TMPRSS15: variants seen among roughly 807,000 people sequenced by gnomAD.
The protein encoded by TMPRSS15 is enteropeptidase.
Under a neutral mutation model 125.3 loss-of-function variants are expected in TMPRSS15, and 128 were observed. That is an observed-to-expected ratio of 1.02 (90% CI 0.89 to 1.18). The LOEUF is 1.18. Among genes scored for constraint, TMPRSS15 ranks in the 50% most tolerant of loss-of-function variants. The pLI, the probability that TMPRSS15 is intolerant of heterozygous loss-of-function variation, is 0.00. For synonymous variants in TMPRSS15, 446 were observed against 423.2 expected (o/e 1.05, Z -0.66); for missense variants, 1,283 against 1,212.7 (o/e 1.06, Z -0.86).
At position 18,294,611 on chromosome 21, in the gene TMPRSS15, T is replaced by A. The variant is rs774208898; in HGVS notation, c.2303A>T (p.Asn768Ile). The A allele has an allele frequency of 6.2e-7, 1 of 1,611,512 alleles. No homozygotes were observed. Among genetic ancestry groups the A allele is most frequent in the Admixed American group, 1.7e-5 (1 of 60,020 alleles). ...LQDSLIRLQC[N>I]HKSCGKKLAA... The stretch of plus-strand genomic sequence containing the variant: ...ACAACATATTTACTTACATTTATGG[T>A]TACACTGTAACCGAATCAAGGAATC... Residue 768 changes from asparagine to isoleucine, a missense_variant, in exon 20 of 25, where the codon AAC becomes ATC. By Grantham distance (149) the Asn-to-Ile change is moderately radical (BLOSUM62 -3). Transcript: ENST00000284885.
intron 1 of TMPRSS15, among the ~76,000 whole-genome samples, chr21:18,413,393 CTTCT>C (rs1187217736): frequency 1.6e-5 from 2 of 122,186 alleles, no homozygotes; most frequent in Non-Finnish European, 3.3e-5. Context: ...TTCTATCTTT[CTTCT>C]TTCTTTCTTT....
At chr21:18,301,860 C>T (rs1242866869) in intron 18 of TMPRSS15, among the ~76,000 whole-genome samples, 2 of 152,030 alleles carry the variant, frequency 1.3e-5, no homozygotes, top group Non-Finnish European at 2.9e-5. Context: ...AAACTTTATT[C>T]CATGTGAGAA....
At chr21:18,433,663 CAAAAA>C (rs58432155) in intron 1 of TMPRSS15, among the ~76,000 whole-genome samples, 8 of 62,446 alleles carry the variant, frequency 1.3e-4, no homozygotes, top group East Asian at 5.1e-4. Flanking sequence ...GACCTTGTCT[CAAAAA>C]AAAAAAAAAA....
intron 3 of TMPRSS15, among the ~76,000 whole-genome samples, chr21:18,396,531 T>G (rs2076038339): frequency 6.6e-6 from 1 of 152,044 alleles, no homozygotes; most frequent in African/African-American, 2.4e-5. Context: ...TCCCAGCACT[T>G]TGGGAGGCCG....
rs748130369 is a variant in TMPRSS15 at position 18,329,135 on chromosome 21, T to G, written c.1780+34A>C. ...TCCATCAGCACAACATCTTGAGCTT[T>G]ACAACCTTTACAATATTCAGATTGC... On this transcript the variant is annotated intron_variant, in intron 15 of 24. Coordinates refer to ENST00000284885, the MANE Select transcript of TMPRSS15 (RefSeq NM_002772.3). 21 of 1,610,082 alleles carry G rather than the reference T, an allele frequency of 1.3e-5. No individual in the cohort carries two copies. The East Asian group carries it at 4.7e-4, about 36-fold the overall frequency.
chr21:18,315,702 C>G (rs2075157990), intron 16 of TMPRSS15, among the ~76,000 whole-genome samples: 1 of 97,020 alleles, frequency 1.0e-5, no homozygotes, highest in Admixed American at 1.2e-4. Context: ...AACATGAGTC[C>G]TTTGCCACAG....
In TMPRSS15 at chr21:18,338,482, C is replaced by T. The variant is rs1365269845; in HGVS notation, c.1564+2931G>A. 2.0e-5 allele frequency among the ~76,000 whole-genome samples: 3 copies of T among 152,050 alleles called. No individual in the cohort carries two copies. In the East Asian group the frequency reaches 5.8e-4, roughly 29 times the overall value. ...GCTGAATGTTGTTCTTGCAAAAAAACTCTTCCATATAATAAATAGGTAGGG... is the reference window on the plus strand; with the variant it reads ...GCTGAATGTTGTTCTTGCAAAAAAATTCTTCCATATAATAAATAGGTAGGG... On this transcript the variant is annotated intron_variant, in intron 13 of 24. Transcript: ENST00000284885.
chr21:18,432,366 A>G (rs1386130799), intron 1 of TMPRSS15, among the ~76,000 whole-genome samples: 1 of 152,110 alleles, frequency 6.6e-6, no homozygotes, highest in Admixed American at 6.6e-5. Flanking sequence ...CTTTTGTGTC[A>G]TGTTAAGGGT....
chr21:18,281,269 T>C (rs765558653), intron 21 of TMPRSS15, 48 bp from the exon 22 acceptor site: 1 of 1,511,822 alleles, frequency 6.6e-7, no homozygotes, highest in East Asian at 2.3e-5. Context: ...TCCAAAGCAG[T>C]TCCTTTCTAG....
intron 1 of TMPRSS15, among the ~76,000 whole-genome samples, chr21:18,445,482 A>G (rs13052768): frequency 0.38 from 57,863 of 151,926 alleles, 11,714 homozygotes; most frequent in Middle Eastern, 0.51. Context: ...TGCCCAGCCT[A>G]TACTACATTT....
chr21:18,371,990 A>G (rs2075795695), intron 6 of TMPRSS15, among the ~76,000 whole-genome samples: 1 of 151,924 alleles, frequency 6.6e-6, no homozygotes, highest in African/African-American at 2.4e-5. Flanking sequence ...TATTATTTAT[A>G]AAGTTTAGGA....
chr21:18,407,448 C>CTTT (rs201740388), upstream of TMPRSS15, among the ~76,000 whole-genome samples: 1,135 of 133,096 alleles, frequency 8.5e-3, 22 homozygotes, highest in African/African-American at 0.014. Context: ...TTTTTCTTTT[C>CTTT]TTTTTTTTTT....
At chr21:18,461,716 T>G (rs1978554457) in intron 1 of TMPRSS15, among the ~76,000 whole-genome samples, 1 of 152,094 alleles carries the variant, frequency 6.6e-6, no homozygotes, top group Admixed American at 6.6e-5. Flanking sequence ...TTTAGACACT[T>G]CCCCATCCTC....
chr21:18,460,770 A>G (rs1466605612), intron 1 of TMPRSS15: 5 of 152,226 alleles, frequency 3.3e-5, no homozygotes, highest in Admixed American at 6.5e-5. Context: ...GAAGGACCCA[A>G]TGCTTTACTC....
At chr21:18,330,417 A>G (rs912448809) in intron 14 of TMPRSS15, among the ~76,000 whole-genome samples, 1 of 152,222 alleles carries the variant, frequency 6.6e-6, no homozygotes, top group African/African-American at 2.4e-5. Context: ...ACTTCATAAC[A>G]TGGTGTAAAA....
intron 13 of TMPRSS15, 45 bp downstream of exon 13, chr21:18,341,368 A>T: frequency 6.2e-7 from 1 of 1,612,786 alleles, no homozygotes; most frequent in African/African-American, 1.3e-5. Flanking sequence ...TCCACACCTG[A>T]CGTTAATGAT....
chr21:18,348,020 TA>T (rs2075526909), intron 10 of TMPRSS15, among the ~76,000 whole-genome samples: 1 of 152,070 alleles, frequency 6.6e-6, no homozygotes, highest in Non-Finnish European at 1.5e-5. Flanking sequence ...CCCATCTCTA[TA>T]AAAAATTTAA....
chr21:18,359,352 C>A (rs2075656914), intron 8 of TMPRSS15, among the ~76,000 whole-genome samples: 1 of 151,946 alleles, frequency 6.6e-6, no homozygotes, highest in Admixed American at 6.6e-5. Context: ...GACCGAGGAG[C>A]AGGATGAACA....
At chr21:18,439,017 C>T (rs1379725387) in intron 1 of TMPRSS15, among the ~76,000 whole-genome samples, 1 of 152,044 alleles carries the variant, frequency 6.6e-6, no homozygotes, top group Non-Finnish European at 1.5e-5. Context: ...AATCTTCTTT[C>T]TTATAGTTAA....
Sources: gnomAD v4.1 joint callset for allele counts (sites outside exome capture counted in the v4.1 genomes callset) on GRCh38, gnomAD v4.1.1 for gene constraint, MANE v1.5 for transcripts, NCBI Gene and HGNC (gene_info 2026-07-23, HGNC 2026-07-21) for gene names.